Variants in TCTN3 observed in about 807,000 individuals in gnomAD.
TCTN3 encodes the protein tectonic family member 3.
TCTN3 carries 57 observed loss-of-function variants against 71.3 expected under a neutral mutation model. The observed-to-expected ratio is 0.80, with a 90% confidence interval of 0.65 to 1.00. TCTN3 has a LOEUF of 1.00. TCTN3 is among the 50% of genes least tolerant of loss of function. The pLI is 0.00. For synonymous variants in TCTN3, 258 were observed against 267.8 expected, an observed-to-expected ratio of 0.96 and a Z score of 0.36; for missense variants, 696 against 719.9, an observed-to-expected ratio of 0.97 and a Z score of 0.38.
At chr10:95,683,307 C>G in intron 10 of TCTN3, 112 bp from the exon 11 acceptor site, 1 of 1,498,236 alleles carries the variant, frequency 6.7e-7, no homozygotes, top group South Asian at 1.3e-5. Context: ...GTATTACTAT[C>G]ATAATGTTCG....
chr10:95,691,031 C>CA (rs2097953031), intron 3 of TCTN3, among the ~76,000 whole-genome samples: 1 of 152,082 alleles, frequency 6.6e-6, no homozygotes, highest in Admixed American at 6.6e-5. Flanking sequence ...CCACTGATCC[C>CA]GAAGGAGTGT....
In TCTN3 at chr10:95,693,372, A is replaced by C. The variant is rs2139767099; in HGVS notation, c.361T>G (p.Cys121Gly). 3.9e-6 allele frequency: 6 copies of C among 1,551,906 alleles called. No homozygotes were observed. The highest frequency in any genetic ancestry group is 2.0e-5 in the Admixed American group (1 of 51,012). Reference protein sequence around the residue: ...LLHPRTVFSFCLPGSVRSSSW... With the variant: ...LLHPRTVFSFGLPGSVRSSSW... ...GCTCACCTTACGCTGCCTGGAAGGC[A>C]GAAGGAGAAAACTGTCCTCGGATGG... Residue 121 changes from cysteine to glycine, a missense_variant, in exon 2 of 14, where the codon TGC (cysteine) becomes GGC (glycine). Cys to Gly is a radical substitution (Grantham distance 159). Coordinates refer to ENST00000371217, the MANE Select transcript of TCTN3 (RefSeq NM_015631.6).
Position 95,677,473 on chromosome 10 carries a change from A to ACATTTT in TCTN3, c.1590+2998_1590+2999insAAAATG, listed in dbSNP as rs57706369. Among the ~76,000 whole-genome samples the ACATTTT allele has an allele frequency of 1.2e-4, 3 of 24,116 alleles. 1 individual carries two copies. The highest frequency in any genetic ancestry group is 1.9e-4 in the Non-Finnish European group (2 of 10,414). The allele number at this position is 24,116 out of a possible 152,430, so 15.8% of individuals were successfully genotyped here. ...CATACAAGAAGATAGTGAAGTCTACAGTTTTTTTTGTTTTTTTTTTTTTTT... is the reference window on the plus strand; with the variant it reads ...CATACAAGAAGATAGTGAAGTCTACACATTTTGTTTTTTTTGTTTTTTTTTTTTTTT... On this transcript the variant is annotated intron_variant, in intron 13 of 13. Transcript: ENST00000371217.
intron 13 of TCTN3, among the ~76,000 whole-genome samples, chr10:95,669,459 C>T (rs750551735): frequency 6.6e-6 from 1 of 152,202 alleles, no homozygotes; most frequent in Non-Finnish European, 1.5e-5. Flanking sequence ...CCTGTGGCAT[C>T]TCTAAATCTG....
At chr10:95,664,746 T>C (rs999164072) in intron 13 of TCTN3, among the ~76,000 whole-genome samples, 1 of 152,202 alleles carries the variant, frequency 6.6e-6, no homozygotes, top group Non-Finnish European at 1.5e-5. Flanking sequence ...GGAAGGATCC[T>C]TCCACCACCC....
At chr10:95,692,471 A>G (rs2097954385) in intron 3 of TCTN3, among the ~76,000 whole-genome samples, 1 of 152,136 alleles carries the variant, frequency 6.6e-6, no homozygotes, top group African/African-American at 2.4e-5. Context: ...GTGCCACTGC[A>G]CTGCACTCCT....
rs749447795 is a variant in TCTN3 at position 95,693,450 on chromosome 10, T to G, written c.283A>C (p.Thr95Pro). 4.2e-4 allele frequency: 644 copies of G among 1,551,378 alleles called. No homozygotes were observed. Among genetic ancestry groups the G allele is most frequent in the Non-Finnish European group, 5.1e-4 (589 of 1,146,920 alleles). Residue 95 changes from threonine to proline, a missense_variant, in exon 2 of 14, where the codon ACT (threonine) becomes CCT (proline). Coordinates refer to ENST00000371217, the MANE Select transcript of TCTN3 (RefSeq NM_015631.6). Reference sequence around the variant, plus strand: ...CAATTTATATCGCAGGCTCCAGGAGTCAAGTCACAGACACAGATCGGTAAG... The same window carrying G: ...CAATTTATATCGCAGGCTCCAGGAGGCAAGTCACAGACACAGATCGGTAAG... ...PVLPICVCDL[T>P]PGACDINCCC...
chr10:95,673,759 G>A (rs1355787944), intron 13 of TCTN3, among the ~76,000 whole-genome samples: 1 of 152,154 alleles, frequency 6.6e-6, no homozygotes, highest in Admixed American at 6.5e-5. Context: ...AGGATCACTT[G>A]AGCCTAGGAA....
intron 13 of TCTN3, among the ~76,000 whole-genome samples, chr10:95,666,534 G>C (rs1054954841): frequency 6.6e-6 from 1 of 152,222 alleles, no homozygotes; most frequent in African/African-American, 2.4e-5. Flanking sequence ...TTATAATGGG[G>C]AGAGGACATA....
chr10:95,691,495 C>CCCTA (rs2097953486), intron 3 of TCTN3, among the ~76,000 whole-genome samples: 2 of 152,104 alleles, frequency 1.3e-5, no homozygotes, highest in Non-Finnish European at 2.9e-5. Context: ...GTTCCCTTTA[C>CCCTA]CCTATTACCA....
At chr10:95,686,214 C>T (rs1388710508) in intron 7 of TCTN3, among the ~76,000 whole-genome samples, 2 of 152,206 alleles carry the variant, frequency 1.3e-5, no homozygotes, top group African/African-American at 4.8e-5. Flanking sequence ...GGTGACAGAG[C>T]AAGACCCTGT....
chr10:95,681,976 C>CAAGG (rs2097943402), intron 12 of TCTN3, among the ~76,000 whole-genome samples: 1 of 151,862 alleles, frequency 6.6e-6, no homozygotes, highest in Non-Finnish European at 1.5e-5. Context: ...AGGAGGATCA[C>CAAGG]TTGAGCCCAG....
intron 13 of TCTN3, 146 bp from the exon 14 acceptor site, chr10:95,664,446 T>C: frequency 1.4e-6 from 1 of 692,328 alleles, no homozygotes; most frequent in Non-Finnish European, 2.5e-6. Context: ...TCCTATGTAG[T>C]TCTCTTTCAG....
intron 13 of TCTN3, among the ~76,000 whole-genome samples, chr10:95,677,030 A>G (rs1243764425): frequency 1.3e-5 from 2 of 152,230 alleles, no homozygotes; most frequent in Non-Finnish European, 2.9e-5. Flanking sequence ...TAGATAATCT[A>G]AAGAGTAGAT....
In TCTN3 at chr10:95,683,599, T is replaced by C. The variant is rs1435659997; in HGVS notation, c.1126A>G (p.Thr376Ala). The change falls in exon 10 of 14, where the codon ACC becomes GCC. Residue 376 changes from threonine (T) to alanine (A), a missense_variant. Physicochemically the swap from Thr to Ala is moderately conservative, Grantham distance 58 (BLOSUM62 0). Coordinates refer to ENST00000371217, the MANE Select transcript of TCTN3 (RefSeq NM_015631.6). ...CCAGGATTCCCACTTCTAGGACTGG[T>C]GAGAGAAGCAGCTGTGCTCTGTTGA... The part of the protein sequence containing the change: ...AFQQSTAASL[T>A]SPRSGNPGYI... The C allele has an allele frequency of 6.2e-7, 1 of 1,613,988 alleles. No homozygotes were observed. Among genetic ancestry groups the C allele is most frequent in the Admixed American group, 1.7e-5 (1 of 59,980 alleles).
rs1247461056 is a variant in TCTN3 at position 95,682,633 on chromosome 10, G to A, written c.1452+18C>T. On this transcript the variant is annotated intron_variant, in intron 12 of 13. Coordinates refer to ENST00000371217, the MANE Select transcript of TCTN3 (RefSeq NM_015631.6). Reference sequence around the variant, plus strand: ...GGTAAAAATGAGTCTTCATCAGAAAGTATATTTCTCTCCTTACTGAAATGC... The same window carrying A: ...GGTAAAAATGAGTCTTCATCAGAAAATATATTTCTCTCCTTACTGAAATGC... 6.2e-7 allele frequency: 1 copy of A among 1,606,192 alleles called. No homozygotes were observed. Among genetic ancestry groups the A allele is most frequent in the Non-Finnish European group, 8.5e-7 (1 of 1,177,238 alleles).
chr10:95,680,653 T>C, intron 12 of TCTN3, 44 bp from the exon 13 acceptor site: 1 of 1,599,676 alleles, frequency 6.3e-7, no homozygotes, highest in South Asian at 1.1e-5. Flanking sequence ...GCCTGATGGT[T>C]GCCTATAGTC....
At position 95,693,689 on chromosome 10, in the gene TCTN3, C is replaced by A. The variant is rs138495428; in HGVS notation, c.211G>T (p.Val71Leu). 978 of 1,551,682 alleles carry A rather than the reference C, an allele frequency of 6.3e-4. 4 individuals are homozygous for A. In the African/African-American group the frequency reaches 0.012, roughly 19 times the overall value. Residue 71 changes from valine to leucine, a missense_variant, in exon 1 of 14, where the codon GTG (valine) becomes TTG (leucine). Transcript: ENST00000371217. The part of the protein sequence containing the change: ...PGLPTVVPTL[V>L]TPSAPGNRTV... ...CTATTCCCAGGGGCCGAGGGAGTCACGAGAGTAGGGACCACTGTAGGGAGT... is the reference window on the plus strand; with the variant it reads ...CTATTCCCAGGGGCCGAGGGAGTCAAGAGAGTAGGGACCACTGTAGGGAGT...
intron 3 of TCTN3, among the ~76,000 whole-genome samples, chr10:95,691,665 C>T (rs2097953610): frequency 6.6e-6 from 1 of 152,072 alleles, no homozygotes; most frequent in Admixed American, 6.6e-5. Flanking sequence ...ACATTTAAAT[C>T]CATTTTGTGC....
Sources: allele counts gnomAD v4.1 joint callset (sites outside exome capture counted in the v4.1 genomes callset), GRCh38; gene constraint gnomAD v4.1.1; transcripts MANE v1.5; gene names NCBI Gene and HGNC (gene_info 2026-07-23, HGNC 2026-07-21).